The following FGD4 variants were observed in gnomAD, a reference collection of about 807,000 sequenced individuals.
FGD4 encodes FYVE, RhoGEF and PH domain containing 4.
FGD4 carries 42 observed loss-of-function variants against 102.0 expected under a neutral mutation model. That is an observed-to-expected ratio of 0.41 (90% CI 0.32 to 0.53). The LOEUF (loss-of-function observed/expected upper bound fraction) is 0.53, where lower values mean the gene tolerates loss of function less well. FGD4 is among the 20% of genes least tolerant of loss of function. FGD4 has a pLI of 0.21. For missense variants in FGD4, 902 were observed against 1,078.2 expected (o/e 0.84, Z 2.29); for synonymous variants, 380 against 375.7 (o/e 1.01, Z -0.13).
chr12:32,495,294 T>G (rs2136594936), intron 1 of FGD4, among the ~76,000 whole-genome samples: 1 of 152,326 alleles, frequency 6.6e-6, no homozygotes, highest in African/African-American at 2.4e-5. Context: ...TTTGTGAACC[T>G]ATATTCACAG....
rs1942428283 is a variant in FGD4, at chr12:32,441,329, T to C, written c.166+41370T>C. 2.0e-5 allele frequency among the ~76,000 whole-genome samples: 3 copies of C among 152,238 alleles called. No homozygotes were observed. The South Asian group carries it at 6.2e-4, about 32-fold the overall frequency. Reference sequence around the variant, plus strand: ...GTACCTGGGTATCTCTGCTGGTTATTCAGCGTCTAAAGTCTCTTCACTTTG... The same window carrying C: ...GTACCTGGGTATCTCTGCTGGTTATCCAGCGTCTAAAGTCTCTTCACTTTG... On this transcript the variant is annotated intron_variant, in intron 1 of 16. Coordinates refer to ENST00000534526, the MANE Select transcript of FGD4 (RefSeq NM_001370298.3).
At position 32,582,284 on chromosome 12, in the gene FGD4, T is replaced by A. The variant is rs1295234161; in HGVS notation, c.828T>A (p.Pro276=). ...NGERDETATA[P]ASPTTDSCDG... Reference sequence around the variant, plus strand: ...AAAGAGATGAAACTGCCACAGCTCCTGCATCACCCACAACAGACAGCTGTG... The same window carrying A: ...AAAGAGATGAAACTGCCACAGCTCCAGCATCACCCACAACAGACAGCTGTG... Residue 276 remains proline, a synonymous_variant, in exon 4 of 17, where the codon CCT becomes CCA. Transcript: ENST00000534526. 1.2e-6 allele frequency: 2 copies of A among 1,614,222 alleles called. No homozygotes were observed. The highest frequency in any genetic ancestry group is 1.3e-5 in the African/African-American group (1 of 75,060).
At chr12:32,573,418 G>A (rs1257304870) in intron 2 of FGD4, among the ~76,000 whole-genome samples, 3 of 152,058 alleles carry the variant, frequency 2.0e-5, no homozygotes, top group Non-Finnish European at 2.9e-5. Context: ...TTTTTGCGTC[G>A]TAAGTACATA....
At chr12:32,563,710 C>G (rs1473656360) in intron 1 of FGD4, among the ~76,000 whole-genome samples, 1 of 152,192 alleles carries the variant, frequency 6.6e-6, no homozygotes, top group Non-Finnish European at 1.5e-5. Flanking sequence ...GCCTGGGCAC[C>G]ATTGAGCACT....
At chr12:32,633,305 A>G (rs1027911297) in intron 14 of FGD4, among the ~76,000 whole-genome samples, 2 of 152,248 alleles carry the variant, frequency 1.3e-5, no homozygotes, top group East Asian at 3.9e-4. Flanking sequence ...AAGTATGAAG[A>G]GTCAAAGTCT....
intron 10 of FGD4, among the ~76,000 whole-genome samples, chr12:32,614,630 T>C (rs1223317124): frequency 6.6e-6 from 1 of 152,196 alleles, no homozygotes; most frequent in African/African-American, 2.4e-5. Context: ...AAGGGCAATT[T>C]TTCGAGAGTT....
intron 1 of FGD4, among the ~76,000 whole-genome samples, chr12:32,416,972 C>G (rs755719299): frequency 7.9e-5 from 12 of 151,836 alleles, no homozygotes; most frequent in Non-Finnish European, 2.9e-5. Context: ...TCTCGGCTCA[C>G]TGCAACCTCC....
intron 5 of FGD4, among the ~76,000 whole-genome samples, chr12:32,599,441 C>T (rs1241350357): frequency 9.4e-6 from 1 of 106,334 alleles, no homozygotes; most frequent in Non-Finnish European, 1.8e-5. Flanking sequence ...TTGCAGTGAG[C>T]CGAGATCGCG....
At chr12:32,623,352 T>A (rs7488806) in intron 11 of FGD4, among the ~76,000 whole-genome samples, 22,567 of 151,880 alleles carry the variant, frequency 0.15, 1,906 homozygotes, top group Middle Eastern at 0.25. Flanking sequence ...TTTTTTAATT[T>A]AAAAAAAATT....
At chr12:32,616,963 A>G (rs1289859961) in intron 10 of FGD4, among the ~76,000 whole-genome samples, 1 of 151,530 alleles carries the variant, frequency 6.6e-6, no homozygotes, top group Non-Finnish European at 1.5e-5. Context: ...CATAACATGC[A>G]GAAGGCAGGC....
At chr12:32,471,382 T>C (rs1365988863) in intron 1 of FGD4, among the ~76,000 whole-genome samples, 1 of 152,182 alleles carries the variant, frequency 6.6e-6, no homozygotes, top group East Asian at 1.9e-4. Context: ...TTGTTATGTG[T>C]CTCTGGAGAA....
chr12:32,566,836 A>C (rs181494944), intron 2 of FGD4, among the ~76,000 whole-genome samples: 2 of 152,286 alleles, frequency 1.3e-5, no homozygotes, highest in African/African-American at 4.8e-5. Flanking sequence ...CCTCACTGCA[A>C]ATCCCTTACA....
At chr12:32,580,298 G>A (rs1427293852) in intron 3 of FGD4, among the ~76,000 whole-genome samples, 1 of 151,768 alleles carries the variant, frequency 6.6e-6, no homozygotes, top group Non-Finnish European at 1.5e-5. Context: ...TATTGTAAGG[G>A]GCTTCTTATA....
intron 1 of FGD4, among the ~76,000 whole-genome samples, chr12:32,430,084 G>A (rs1365828889): frequency 6.6e-6 from 1 of 152,168 alleles, no homozygotes; most frequent in Non-Finnish European, 1.5e-5. Flanking sequence ...GAGGCAGGCA[G>A]ATCACCTGAG....
chr12:32,607,122 C>T (rs548088953), intron 7 of FGD4, among the ~76,000 whole-genome samples: 12 of 152,210 alleles, frequency 7.9e-5, no homozygotes, highest in Non-Finnish European at 1.5e-4. Context: ...AATAATGTGA[C>T]TTCACAAACC....
At chr12:32,618,709 G>A (rs1012480467) in intron 10 of FGD4, among the ~76,000 whole-genome samples, 11 of 152,046 alleles carry the variant, frequency 7.2e-5, no homozygotes, top group Non-Finnish European at 1.2e-4. Flanking sequence ...GGTGGTTCAC[G>A]CCTGTAATCC....
chr12:32,565,752 T>C (rs61926169), intron 2 of FGD4, among the ~76,000 whole-genome samples: 1,684 of 152,320 alleles, frequency 0.011, 19 homozygotes, highest in South Asian at 0.056. Context: ...TGTTGTGTAG[T>C]TATATTAAAG....
At chr12:32,555,716 C>T (rs570393868) in intron 1 of FGD4, among the ~76,000 whole-genome samples, 3 of 152,014 alleles carry the variant, frequency 2.0e-5, no homozygotes, top group East Asian at 1.9e-4. Flanking sequence ...GGACCACAGG[C>T]GCCCACCACC....
At chr12:32,525,923 G>C (rs556462220) in intron 1 of FGD4, among the ~76,000 whole-genome samples, 1 of 152,224 alleles carries the variant, frequency 6.6e-6, no homozygotes, top group Non-Finnish European at 1.5e-5. Flanking sequence ...GGCAGGGCTC[G>C]GGACCTACAG....
Sources: gnomAD v4.1 joint callset for allele counts (sites outside exome capture counted in the v4.1 genomes callset) on GRCh38, gnomAD v4.1.1 for gene constraint, MANE v1.5 for transcripts, NCBI Gene and HGNC (gene_info 2026-07-23, HGNC 2026-07-21) for gene names.